Variants in IDE observed in about 807,000 individuals in gnomAD.
The protein encoded by IDE is insulin-degrading enzyme.
In IDE, 58 loss-of-function variants were observed where a neutral mutation model predicts 133.2. The observed-to-expected ratio is 0.44, with a 90% CI of 0.35 to 0.54. IDE has a LOEUF of 0.54. Among genes scored for constraint, IDE ranks in the 20% least tolerant of loss-of-function variants. IDE has a pLI of 0.00. For missense variants in IDE, 981 were observed against 1,234.0 expected (o/e 0.79, Z 3.07); for synonymous variants, 396 against 421.3 (o/e 0.94, Z 0.73).
chr10:92,463,286 T>C (rs1773323137), intron 21 of IDE, among the ~76,000 whole-genome samples: 1 of 152,170 alleles, frequency 6.6e-6, no homozygotes, highest in South Asian at 2.1e-4. Context: ...CTCCCAAATC[T>C]GAAAGGAGTG....
intron 1 of IDE, among the ~76,000 whole-genome samples, chr10:92,561,955 G>A (rs1843305704): frequency 6.6e-6 from 1 of 152,076 alleles, no homozygotes; most frequent in South Asian, 2.1e-4. Context: ...TCCAATCACT[G>A]TATAGAACGG....
chr10:92,571,412 A>G (rs1207774651), intron 1 of IDE, among the ~76,000 whole-genome samples: 1 of 152,166 alleles, frequency 6.6e-6, no homozygotes, highest in African/African-American at 2.4e-5. Flanking sequence ...CATTTTTCTG[A>G]TTGACAGTAG....
chr10:92,491,273 A>T (rs1409727021), intron 11 of IDE, among the ~76,000 whole-genome samples: 3 of 151,088 alleles, frequency 2.0e-5, no homozygotes, highest in Non-Finnish European at 4.4e-5. Context: ...CAAAAAAAGT[A>T]CTCCTTCCTA....
intron 2 of IDE, among the ~76,000 whole-genome samples, chr10:92,535,231 G>A (rs1183146812): frequency 2.6e-5 from 4 of 152,220 alleles, no homozygotes; most frequent in Non-Finnish European, 5.9e-5. Flanking sequence ...AGCCTCCTGA[G>A]TAGCTGGGAC....
At chr10:92,515,419 C>G (rs1270373323) in intron 4 of IDE, among the ~76,000 whole-genome samples, 1 of 151,330 alleles carries the variant, frequency 6.6e-6, no homozygotes, top group Non-Finnish European at 1.5e-5. Flanking sequence ...ACCACGACAC[C>G]TGGCTAATTT....
chr10:92,488,013 T>C (rs1394353275), intron 12 of IDE, among the ~76,000 whole-genome samples: 1 of 152,196 alleles, frequency 6.6e-6, no homozygotes, highest in African/African-American at 2.4e-5. Context: ...CAGGCTGGTC[T>C]TGAACTCCTG....
intron 1 of IDE, among the ~76,000 whole-genome samples, chr10:92,564,511 TA>T (rs1843427337): frequency 6.7e-6 from 1 of 149,428 alleles, no homozygotes; most frequent in Non-Finnish European, 1.5e-5. Flanking sequence ...GTCTCTCTAC[TA>T]AAAAAACACA....
intron 4 of IDE, among the ~76,000 whole-genome samples, chr10:92,531,346 C>T (rs1458303399): frequency 1.3e-5 from 2 of 152,084 alleles, no homozygotes; most frequent in African/African-American, 4.8e-5. Flanking sequence ...CAGAGCTAAC[C>T]CCATAGCAGA....
chr10:92,456,958 C>T (rs1036541373), intron 22 of IDE, among the ~76,000 whole-genome samples: 6 of 151,284 alleles, frequency 4.0e-5, no homozygotes, highest in African/African-American at 9.7e-5. Context: ...TAGCAAGGCA[C>T]GCAAGAATTA....
At position 92,469,110 on chromosome 10, in the gene IDE, T is replaced by A; in HGVS notation, c.2209-120A>T. On this transcript the variant is annotated intron_variant, in intron 18 of 24. Transcript: ENST00000265986. Reference sequence around the variant, plus strand: ...AAAACCTTAAATATATTTGATCCTATTCAAATGGATAAAAATTGAATTTGT... The same window carrying A: ...AAAACCTTAAATATATTTGATCCTAATCAAATGGATAAAAATTGAATTTGT... 9.8e-6 allele frequency: 6 copies of A among 611,896 alleles called. No homozygotes were observed. The South Asian group carries it at 1.3e-4, about 13-fold the overall frequency. The allele number at this position is 611,896 out of a possible 1,614,324, so 37.9% of individuals were successfully genotyped here.
intron 2 of IDE, among the ~76,000 whole-genome samples, chr10:92,535,167 G>A (rs1311753046): frequency 6.6e-6 from 1 of 152,140 alleles, no homozygotes; most frequent in African/African-American, 2.4e-5. Context: ...GCAGTGGCGA[G>A]ATCTTGGCTC....
In IDE at chr10:92,501,663, C is replaced by G. The variant is rs569686241; in HGVS notation, c.1430+3131G>C. ...CCAGCCTGGTGACACAGCGAGACTC[C>G]GTCTAAAAAAAAAAAGAAAAAAGAA... On this transcript the variant is annotated intron_variant, in intron 11 of 24. Transcript: ENST00000265986. Among the ~76,000 whole-genome samples the G allele has an allele frequency of 2.8e-5, 4 of 144,348 alleles. 1 individual carries two copies. The South Asian group carries it at 6.6e-4, about 24-fold the overall frequency. 94.7% of individuals were successfully genotyped at this position (144,348 alleles called of 152,430 possible). A position where few individuals can be genotyped will look rare whatever the true frequency, so the allele number is the denominator to read the frequency against.
rs537468985 is a variant in IDE at position 92,451,882 on chromosome 10, T to C, written c.*2562A>G. The C allele has an allele frequency of 1.3e-5, 2 of 152,222 alleles. No individual in the cohort carries two copies. Among genetic ancestry groups the C allele is most frequent in the South Asian group, 2.1e-4 (1 of 4,834 alleles). 9.4% of individuals were successfully genotyped at this position (152,222 alleles called of 1,614,324 possible). Reference sequence around the variant, plus strand: ...TGTGGCAAGAAGATGTAAGGACTCATTGTAGAGGAGAGAAATATTTTTTCT... The same window carrying C: ...TGTGGCAAGAAGATGTAAGGACTCACTGTAGAGGAGAGAAATATTTTTTCT... On this transcript the variant is annotated 3_prime_UTR_variant, in exon 25 of 25. Coordinates refer to ENST00000265986, the MANE Select transcript of IDE (RefSeq NM_004969.4).
chr10:92,463,956 A>G lies in IDE; in HGVS notation c.2536T>C (p.Leu846=), dbSNP rs1159592774. The change falls in exon 21 of 25, where the codon TTG becomes CTG. Residue 846 remains leucine, a synonymous_variant. Coordinates refer to ENST00000265986, the MANE Select transcript of IDE (RefSeq NM_004969.4). ...TTTTCTGACTGGATGATGAATCTCA[A>G]GCCCTGTATGCCATTAGCTCGACGT... ...GPRRANGIQG[L]RFIIQSEKPP... is the part of the protein sequence containing the mutation. 1.9e-6 allele frequency: 3 copies of G among 1,614,162 alleles called. No individual in the cohort carries two copies. The highest frequency in any genetic ancestry group is 2.5e-6 in the Non-Finnish European group (3 of 1,180,012).
intron 22 of IDE, among the ~76,000 whole-genome samples, chr10:92,459,295 A>G (rs1407649009): frequency 1.3e-5 from 2 of 152,212 alleles, no homozygotes; most frequent in Non-Finnish European, 2.9e-5. Context: ...CCTCTCACTC[A>G]GCACTAGGAG....
At chr10:92,503,414 C>T (rs562084737) in intron 11 of IDE, among the ~76,000 whole-genome samples, 1 of 152,270 alleles carries the variant, frequency 6.6e-6, no homozygotes, top group South Asian at 2.1e-4. Flanking sequence ...AAGTGATCCT[C>T]CTCTGCCTTG....
chr10:92,463,937 G>A lies in IDE; in HGVS notation c.2555C>T (p.Ser852Leu), dbSNP rs1845534620. ...GIQGLRFIIQ[S>L]EKPPHYLESR... ...TTCTAGGTAGTGAGGTGGCTTTTCT[G>A]ACTGGATGATGAATCTCAAGCCCTG... The change falls in exon 21 of 25, where the codon TCA (serine) becomes TTA (leucine). Residue 852 changes from serine to leucine, a missense_variant. By Grantham distance (145) the Ser-to-Leu change is moderately radical. Coordinates refer to ENST00000265986, the MANE Select transcript of IDE (RefSeq NM_004969.4). 6.2e-7 allele frequency: 1 copy of A among 1,613,984 alleles called. No individual in the cohort carries two copies. The highest frequency in any genetic ancestry group is 8.5e-7 in the Non-Finnish European group (1 of 1,179,972).
Position 92,508,752 on chromosome 10 carries a change from G to C in IDE, c.1036C>G (p.Leu346Val), listed in dbSNP as rs1382160398. 6.2e-7 allele frequency: 1 copy of C among 1,614,036 alleles called. No homozygotes were observed. Among genetic ancestry groups the C allele is most frequent in the Non-Finnish European group, 8.5e-7 (1 of 1,179,958 alleles). ...HLIGHEGPGSLLSELKSKGWV... is the reference protein window; with the variant it reads ...HLIGHEGPGSVLSELKSKGWV... The stretch of plus-strand genomic sequence containing the variant: ...CCCTTTGACTTAAGTTCTGATAACA[G>C]ACTTCCAGGACCTTCATGCCCAATG... The change falls in exon 7 of 25, where the codon CTG becomes GTG. Residue 346 changes from leucine to valine, a missense_variant. By Grantham distance (32) the Leu-to-Val change is conservative (BLOSUM62 1). Coordinates refer to ENST00000265986, the MANE Select transcript of IDE (RefSeq NM_004969.4).
chr10:92,461,201 TTGA>T lies in IDE; in HGVS notation c.2810_2812del (p.Ile937del), dbSNP rs1190814562. 1 of 1,406,470 alleles carries T rather than the reference TTGA, an allele frequency of 7.1e-7. No individual in the cohort carries two copies. The highest frequency in any genetic ancestry group is 2.3e-5 in the East Asian group (1 of 43,922). The allele number at this position is 1,406,470 out of a possible 1,614,324, so 87.1% of individuals were successfully genotyped here. On this transcript the variant is annotated inframe_deletion, in exon 22 of 25. Transcript: ENST00000265986. ...ATGAATTTGACTTACCTTGTAGAATTTGATGATATCTTCCTTGGTAAGTGTCTT... is the reference window on the plus strand; with the variant it reads ...ATGAATTTGACTTACCTTGTAGAATTTGATATCTTCCTTGGTAAGTGTCTT...
Sources: gnomAD v4.1 joint callset for allele counts (sites outside exome capture counted in the v4.1 genomes callset) on GRCh38, gnomAD v4.1.1 for gene constraint, MANE v1.5 for transcripts, NCBI Gene and HGNC (gene_info 2026-07-23, HGNC 2026-07-21) for gene names.